CD48: variants seen among roughly 807,000 people sequenced by gnomAD.
CD48 encodes CD48 molecule.
Under a neutral mutation model 22.0 loss-of-function variants are expected in CD48, and 20 were observed. That is an observed-to-expected ratio of 0.91 (90% CI 0.64 to 1.32). CD48 has a LOEUF of 1.32. CD48 is among the 40% of genes most tolerant of loss of function. The pLI, the probability that CD48 is intolerant of heterozygous loss-of-function variation, is 0.00. For missense variants in CD48, 307 were observed against 286.5 expected (o/e 1.07, Z -0.52); for synonymous variants, 110 against 110.1 (o/e 1.00, Z 0.01).
intron 1 of CD48, among the ~76,000 whole-genome samples, chr1:160,685,554 CTA>C (rs1394319562): frequency 6.6e-6 from 1 of 152,170 alleles, no homozygotes; most frequent in Non-Finnish European, 1.5e-5. Flanking sequence ...TGTTTCCTGT[CTA>C]TTCTCATTTC....
chr1:160,680,782 C>G, intron 3 of CD48: 1 of 1,107,728 alleles, frequency 9.0e-7, no homozygotes, highest in South Asian at 3.3e-5. Context: ...GTCTAATGAC[C>G]TCGGTCCCTC....
chr1:160,711,731 A>G lies in CD48; in HGVS notation c.33T>C (p.Ala11=), dbSNP rs774598559. The change falls in exon 1 of 4, where the codon GCT becomes GCC. Residue 11 remains alanine, a synonymous_variant. Transcript: ENST00000368046. MCSRGWDSCL[A]LELLLLPLSL... The stretch of plus-strand genomic sequence containing the variant: ...ACAGAGGCAGCAGTAGCAATTCCAG[A>G]GCCAGACACGAATCCCAACCTCTGG... 6.2e-7 allele frequency: 1 copy of G among 1,613,820 alleles called. No individual in the cohort carries two copies. Among genetic ancestry groups the G allele is most frequent in the Non-Finnish European group, 8.5e-7 (1 of 1,179,756 alleles).
intron 3 of CD48, 182 bp downstream of exon 3, chr1:160,681,020 T>C: frequency 4.1e-6 from 6 of 1,468,030 alleles, no homozygotes; most frequent in Non-Finnish European, 5.4e-6. Context: ...GAAGTTGAGG[T>C]AAGCTGGCTG....
chr1:160,701,358 C>T (rs983468080), intron 1 of CD48, among the ~76,000 whole-genome samples: 1 of 151,822 alleles, frequency 6.6e-6, no homozygotes, highest in African/African-American at 2.4e-5. Context: ...AGAGAATGTT[C>T]CACATATCCA....
At chr1:160,707,627 G>A (rs1239366070) in intron 1 of CD48, among the ~76,000 whole-genome samples, 1 of 152,182 alleles carries the variant, frequency 6.6e-6, no homozygotes, top group South Asian at 2.1e-4. Flanking sequence ...CTGCAAAGAA[G>A]GAGGCACATG....
At chr1:160,692,943 T>C (rs1393268863) in intron 1 of CD48, among the ~76,000 whole-genome samples, 2 of 152,200 alleles carry the variant, frequency 1.3e-5, no homozygotes, top group Non-Finnish European at 2.9e-5. Flanking sequence ...TGGGAGATTC[T>C]GGCAAAATCA....
chr1:160,684,303 G>T, intron 2 of CD48: 1 of 155,782 alleles, frequency 6.4e-6, no homozygotes, highest in Admixed American at 6.4e-5. Context: ...ACCTAATATG[G>T]GCACAGAGAT....
chr1:160,690,370 C>A (rs1662165962), intron 1 of CD48, among the ~76,000 whole-genome samples: 1 of 152,204 alleles, frequency 6.6e-6, no homozygotes, highest in Non-Finnish European at 1.5e-5. Flanking sequence ...TGAGTCACAT[C>A]CATTTGCCAT....
chr1:160,691,375 A>C (rs190284769), intron 1 of CD48, among the ~76,000 whole-genome samples: 6 of 152,318 alleles, frequency 3.9e-5, no homozygotes, highest in Admixed American at 2.6e-4. Context: ...TTAGGGCTGG[A>C]GGTGGGACAT....
At chr1:160,704,807 A>G (rs1485239962) in intron 1 of CD48, among the ~76,000 whole-genome samples, 1 of 152,048 alleles carries the variant, frequency 6.6e-6, no homozygotes, top group Non-Finnish European at 1.5e-5. Flanking sequence ...TTTCATGAGA[A>G]TACTCCAAAT....
intron 1 of CD48, among the ~76,000 whole-genome samples, chr1:160,702,582 A>C (rs1662668838): frequency 6.6e-6 from 1 of 152,170 alleles, no homozygotes; most frequent in South Asian, 2.1e-4. Flanking sequence ...CAGTAGGAGC[A>C]GCATTTGGCC....
intron 1 of CD48, among the ~76,000 whole-genome samples, chr1:160,694,464 C>A (rs550578369): frequency 2.8e-4 from 42 of 151,572 alleles, no homozygotes; most frequent in African/African-American, 9.2e-4. Context: ...GTCACAGCCT[C>A]AGAAGTGTAT....
chr1:160,701,088 C>T (rs1662614185), intron 1 of CD48, among the ~76,000 whole-genome samples: 1 of 151,930 alleles, frequency 6.6e-6, no homozygotes, highest in South Asian at 2.1e-4. Context: ...AAGTACTTTC[C>T]ATTGATAATG....
chr1:160,688,687 AAAGTTCTGG>A (rs1405494709), intron 1 of CD48, among the ~76,000 whole-genome samples: 1 of 152,166 alleles, frequency 6.6e-6, no homozygotes, highest in Non-Finnish European at 1.5e-5. Flanking sequence ...GCCAATTTCC[AAAGTTCTGG>A]GTGTTCTGGG....
At chr1:160,691,990 A>T (rs1435686583) in intron 1 of CD48, 5 of 210,550 alleles carry the variant, frequency 2.4e-5, no homozygotes, top group Non-Finnish European at 4.7e-5. Flanking sequence ...ATCCACCAAA[A>T]ATCTAATCAA....
At chr1:160,707,221 A>G (rs934131352) in intron 1 of CD48, among the ~76,000 whole-genome samples, 1 of 152,216 alleles carries the variant, frequency 6.6e-6, no homozygotes, top group East Asian at 1.9e-4. Context: ...TCTGAAGGTG[A>G]GGAAGGAGAA....
chr1:160,683,261 G>A (rs966061410), intron 2 of CD48, among the ~76,000 whole-genome samples: 5 of 152,184 alleles, frequency 3.3e-5, no homozygotes, highest in Admixed American at 1.3e-4. Context: ...GCCAGCTTGG[G>A]TTGTCCAGCT....
intron 1 of CD48, among the ~76,000 whole-genome samples, chr1:160,695,830 A>C (rs1436621301): frequency 6.6e-6 from 1 of 152,174 alleles, no homozygotes; most frequent in Non-Finnish European, 1.5e-5. Flanking sequence ...TACAGTTAAG[A>C]CTTTTACATT....
At chr1:160,707,368 G>A (rs192750645) in intron 1 of CD48, among the ~76,000 whole-genome samples, 2 of 152,010 alleles carry the variant, frequency 1.3e-5, no homozygotes, top group Admixed American at 6.5e-5. Flanking sequence ...CCTAAGCTAT[G>A]GTAGGCCAAG....
Sources: gnomAD v4.1 joint callset for allele counts (sites outside exome capture counted in the v4.1 genomes callset) on GRCh38, gnomAD v4.1.1 for gene constraint, MANE v1.5 for transcripts, NCBI Gene and HGNC (gene_info 2026-07-23, HGNC 2026-07-21) for gene names.